The following GAREM1 variants were observed in gnomAD, a reference collection of about 807,000 sequenced individuals.
The protein encoded by GAREM1 is GRB2-associated and regulator of MAPK protein 1.
Under a neutral mutation model 71.3 loss-of-function variants are expected in GAREM1, and 26 were observed. The ratio of observed to expected loss-of-function variants is 0.36; its 90% CI spans 0.27 to 0.51. The LOEUF (loss-of-function observed/expected upper bound fraction) is 0.51, where lower values mean the gene tolerates loss of function less well. GAREM1 is among the 20% of genes least tolerant of loss of function. The pLI is 0.95. For synonymous variants in GAREM1, 440 were observed against 433.2 expected, an observed-to-expected ratio of 1.02 and a Z score of -0.20; for missense variants, 1,026 against 1,103.1, an observed-to-expected ratio of 0.93 and a Z score of 0.99.
intron 4 of GAREM1, among the ~76,000 whole-genome samples, chr18:32,278,225 A>G (rs768898951): frequency 3.9e-5 from 6 of 152,096 alleles, no homozygotes; most frequent in Non-Finnish European, 7.4e-5. Context: ...TGGGTGCTCA[A>G]CTCTTACATA....
chr18:32,286,149 T>C (rs1315858408), intron 4 of GAREM1, among the ~76,000 whole-genome samples: 1 of 152,176 alleles, frequency 6.6e-6, no homozygotes, highest in Non-Finnish European at 1.5e-5. Flanking sequence ...TGATCAAAAA[T>C]GAGTAGCAAA....
intron 1 of GAREM1, among the ~76,000 whole-genome samples, chr18:32,460,112 A>AT (rs1328420872): frequency 7.6e-6 from 1 of 131,898 alleles, no homozygotes; most frequent in East Asian, 2.1e-4. Flanking sequence ...CTGTCATCTT[A>AT]TTTAAAAAAA....
intron 2 of GAREM1, among the ~76,000 whole-genome samples, chr18:32,315,370 C>A (rs952074086): frequency 3.4e-5 from 5 of 148,174 alleles, no homozygotes; most frequent in Non-Finnish European, 7.4e-5. Context: ...TTATTTAAAC[C>A]AATACATCTA....
At chr18:32,416,739 T>C (rs1403088019) in intron 1 of GAREM1, among the ~76,000 whole-genome samples, 2 of 152,130 alleles carry the variant, frequency 1.3e-5, no homozygotes, top group Non-Finnish European at 2.9e-5. Context: ...GGATTAAAGA[T>C]TGAAATCTAA....
At chr18:32,339,848 T>A (rs568927022) in intron 2 of GAREM1, among the ~76,000 whole-genome samples, 94 of 152,320 alleles carry the variant, frequency 6.2e-4, no homozygotes, top group Non-Finnish European at 1.2e-3. Flanking sequence ...CATAGTACCA[T>A]TAGTCCTTCC....
chr18:32,306,455 T>TAGCAGC (rs1411485445), intron 3 of GAREM1, among the ~76,000 whole-genome samples: 2 of 142,458 alleles, frequency 1.4e-5, no homozygotes, highest in Non-Finnish European at 3.1e-5. Flanking sequence ...ACAGAATGTT[T>TAGCAGC]AGCAGCAACC....
chr18:32,419,278 G>A (rs2048497649), intron 1 of GAREM1, among the ~76,000 whole-genome samples: 1 of 152,100 alleles, frequency 6.6e-6, no homozygotes, highest in Admixed American at 6.6e-5. Context: ...ATTAGGTCGG[G>A]CCACCAAGAT....
intron 2 of GAREM1, among the ~76,000 whole-genome samples, chr18:32,389,222 G>A (rs1249673198): frequency 1.3e-5 from 2 of 152,152 alleles, no homozygotes; most frequent in Admixed American, 1.3e-4. Flanking sequence ...ATAACATTGA[G>A]GGGTGTCAGT....
At chr18:32,425,749 A>G (rs1371536972) in intron 1 of GAREM1, among the ~76,000 whole-genome samples, 1 of 152,196 alleles carries the variant, frequency 6.6e-6, no homozygotes, top group Non-Finnish European at 1.5e-5. Flanking sequence ...TCTCTTTTGC[A>G]AGAAATACTT....
intron 2 of GAREM1, among the ~76,000 whole-genome samples, chr18:32,320,010 T>C (rs1598958561): frequency 1.3e-5 from 2 of 152,224 alleles, no homozygotes; most frequent in East Asian, 3.8e-4. Flanking sequence ...TCCAAGTACA[T>C]TGGTGGGAAA....
At chr18:32,450,553 A>G (rs2048826677) in intron 1 of GAREM1, among the ~76,000 whole-genome samples, 1 of 152,184 alleles carries the variant, frequency 6.6e-6, no homozygotes, top group Admixed American at 6.6e-5. Context: ...ATTTATGACC[A>G]TTACATTGAA....
chr18:32,350,322 T>G (rs2047735738), intron 2 of GAREM1, among the ~76,000 whole-genome samples: 1 of 152,208 alleles, frequency 6.6e-6, no homozygotes, highest in African/African-American at 2.4e-5. Flanking sequence ...CTCTAACAGT[T>G]CAACCTTAAT....
chr18:32,435,215 G>A (rs2144264351), intron 1 of GAREM1, among the ~76,000 whole-genome samples: 1 of 152,054 alleles, frequency 6.6e-6, no homozygotes, highest in East Asian at 1.9e-4. Flanking sequence ...AGGCAGGAGA[G>A]CTGAATGCAA....
intron 1 of GAREM1, among the ~76,000 whole-genome samples, chr18:32,400,856 T>A (rs1029063140): frequency 1.4e-4 from 21 of 152,314 alleles, no homozygotes; most frequent in African/African-American, 4.8e-4. Flanking sequence ...ATCATGCTGC[T>A]GTAAAGACAC....
intron 1 of GAREM1, among the ~76,000 whole-genome samples, chr18:32,426,117 C>T (rs1381099485): frequency 6.6e-6 from 1 of 152,184 alleles, no homozygotes; most frequent in African/African-American, 2.4e-5. Flanking sequence ...CTCCCAGGTT[C>T]GAGCAATTCT....
chr18:32,297,583 G>C (rs2047155482), intron 3 of GAREM1, among the ~76,000 whole-genome samples: 1 of 152,100 alleles, frequency 6.6e-6, no homozygotes, highest in Non-Finnish European at 1.5e-5. Flanking sequence ...CTACTTCTAA[G>C]TATTATCCTT....
At position 32,287,800 on chromosome 18, in the gene GAREM1, C is replaced by A; in HGVS notation, c.797G>T (p.Arg266Leu). The A allele has an allele frequency of 6.2e-7, 1 of 1,613,214 alleles. No homozygotes were observed. ...PRNPYDLHFI[R>L]EGHRYKFVNI... Reference sequence around the variant, plus strand: ...CACAAACTTATAGCGGTGCCCCTCACGGATGAAGTGGAGGTCGTATGGGTT... The same window carrying A: ...CACAAACTTATAGCGGTGCCCCTCAAGGATGAAGTGGAGGTCGTATGGGTT... The change falls in exon 4 of 6, where the codon CGT becomes CTT. Residue 266 changes from arginine (R) to leucine (L), a missense_variant. Physicochemically the swap from Arg to Leu is moderately radical, Grantham distance 102 (BLOSUM62 -2). Transcript: ENST00000269209. This position sits in a 1 kb window ranked among gnomAD's most constrained non-coding sequence, Gnocchi z 5.9.
chr18:32,351,048 ACTTCT>A (rs1430854166), intron 2 of GAREM1, among the ~76,000 whole-genome samples: 5 of 152,062 alleles, frequency 3.3e-5, no homozygotes, highest in East Asian at 1.9e-4. Flanking sequence ...CTTTGGTTGA[ACTTCT>A]GGTCCTTCTG....
chr18:32,327,277 G>A (rs945054487), intron 2 of GAREM1, among the ~76,000 whole-genome samples: 1 of 152,222 alleles, frequency 6.6e-6, no homozygotes, highest in Non-Finnish European at 1.5e-5. Flanking sequence ...GATGCTGAAT[G>A]GGAATTATGG....
Sources: allele counts gnomAD v4.1 joint callset (sites outside exome capture counted in the v4.1 genomes callset), GRCh38; gene constraint gnomAD v4.1.1; non-coding constraint Gnocchi (gnomAD v3.1); transcripts MANE v1.5; gene names NCBI Gene and HGNC (gene_info 2026-07-23, HGNC 2026-07-21).